IFT74: variants seen among roughly 807,000 people sequenced by gnomAD.
IFT74 encodes the protein intraflagellar transport 74.
IFT74 carries 92 observed loss-of-function variants against 96.7 expected under a neutral mutation model. The observed-to-expected ratio is 0.95, with a 90% CI of 0.80 to 1.13. IFT74 has a LOEUF of 1.13. IFT74 is among the 50% of genes most tolerant of loss of function. The pLI, the probability that IFT74 is intolerant of heterozygous loss-of-function variation, is 0.00. For missense variants in IFT74, 811 were observed against 698.2 expected (o/e 1.16, Z -1.82); for synonymous variants, 223 against 213.2 (o/e 1.05, Z -0.40).
chr9:27,055,258 T>A (rs1441295815), intron 16 of IFT74, among the ~76,000 whole-genome samples: 1 of 152,160 alleles, frequency 6.6e-6, no homozygotes, highest in African/African-American at 2.4e-5. Flanking sequence ...ACTTGGTTTT[T>A]TCCCTACATA....
At chr9:27,033,523 A>T (rs1830219629) in intron 13 of IFT74, among the ~76,000 whole-genome samples, 1 of 151,306 alleles carries the variant, frequency 6.6e-6, no homozygotes, top group African/African-American at 2.4e-5. Flanking sequence ...CACTCCAACC[A>T]AAATCATGCC....
upstream of IFT74, among the ~76,000 whole-genome samples, chr9:26,951,924 A>G (rs931672563): frequency 5.3e-5 from 8 of 152,240 alleles, no homozygotes; most frequent in Non-Finnish European, 8.8e-5. Context: ...TATGAACTTC[A>G]TCTTTAAGGA....
chr9:26,947,138 A>G, exon 1 of IFT74: 1 of 1,368,746 alleles, frequency 7.3e-7, no homozygotes, highest in Non-Finnish European at 9.5e-7. Flanking sequence ...GCGGGAGAAG[A>G]GCCTGCAGGT....
At chr9:27,044,383 ACT>A (rs1344695082) in intron 13 of IFT74, among the ~76,000 whole-genome samples, 5 of 152,044 alleles carry the variant, frequency 3.3e-5, no homozygotes, top group African/African-American at 1.2e-4. Flanking sequence ...TAGAGTATAA[ACT>A]CTGTGAGTGA....
chr9:26,970,809 A>T (rs1468127417), intron 2 of IFT74, among the ~76,000 whole-genome samples: 1 of 152,188 alleles, frequency 6.6e-6, no homozygotes. Context: ...TCATTAGGGG[A>T]TAAACTGACA....
At chr9:27,003,849 G>A (rs1828634609) in intron 8 of IFT74, among the ~76,000 whole-genome samples, 3 of 152,240 alleles carry the variant, frequency 2.0e-5, no homozygotes, top group Admixed American at 1.3e-4. Context: ...CATAGAAGAG[G>A]GATGCCTAAA....
At chr9:27,035,443 G>A (rs1041211437) in intron 13 of IFT74, among the ~76,000 whole-genome samples, 3 of 152,150 alleles carry the variant, frequency 2.0e-5, no homozygotes, top group Non-Finnish European at 4.4e-5. Flanking sequence ...CATTAAAATG[G>A]TGGTATTACA....
chr9:26,950,981 A>G (rs190913949), intron 1 of IFT74, among the ~76,000 whole-genome samples: 74 of 152,348 alleles, frequency 4.9e-4, no homozygotes, highest in Middle Eastern at 3.4e-3. Context: ...AAAGGTTTAA[A>G]ACAAATCATT....
At chr9:27,031,119 C>T (rs545373139) in intron 13 of IFT74, among the ~76,000 whole-genome samples, 10 of 151,978 alleles carry the variant, frequency 6.6e-5, no homozygotes, top group Admixed American at 5.2e-4. Flanking sequence ...CCTCAGCCTT[C>T]CAAGTAGCCG....
At chr9:26,980,544 A>T in intron 3 of IFT74, 27 bp from the exon 4 acceptor site, 1 of 1,503,828 alleles carries the variant, frequency 6.6e-7, no homozygotes, top group Non-Finnish European at 9.3e-7. Context: ...CGAACTGAAC[A>T]CTAACACTTA....
At chr9:26,980,644 C>T (rs375317034) in intron 4 of IFT74, 25 bp downstream of exon 4, 112 of 1,475,120 alleles carry the variant, frequency 7.6e-5, no homozygotes, top group Middle Eastern at 7.3e-4. Flanking sequence ...TCTTTTCATC[C>T]GTATGTTTTA....
chr9:27,052,247 C>T (rs1030055071), intron 16 of IFT74, among the ~76,000 whole-genome samples: 6 of 152,126 alleles, frequency 3.9e-5, no homozygotes, highest in East Asian at 1.9e-4. Flanking sequence ...AGGTGGCTCA[C>T]GCCTGTAATC....
Position 27,017,040 on chromosome 9 carries a change from T to C in IFT74, c.923T>C (p.Leu308Ser). The C allele has an allele frequency of 6.2e-7, 1 of 1,602,080 alleles. No individual in the cohort carries two copies. The highest frequency in any genetic ancestry group is 1.1e-5 in the South Asian group (1 of 88,142). Residue 308 changes from leucine to serine, a missense_variant, in exon 11 of 20, where the codon TTA becomes TCA. Transcript: ENST00000380062. ...TCTCCAATGGAAGAGAGAGAGAAAT[T>C]ACTTAAGCAGGTGGGCAAAACAAAC... The part of the protein sequence containing the change: ...IGSPMEEREK[L>S]LKQIKDDNQE...
upstream of IFT74, chr9:26,955,773 G>A (rs1411407416): frequency 2.0e-5 from 3 of 149,216 alleles, no homozygotes; most frequent in Admixed American, 2.0e-4. Flanking sequence ...AAGATTGGAA[G>A]GAAACATACA....
chr9:26,984,361 T>G lies in IFT74; in HGVS notation c.404+6T>G, dbSNP rs1468509845. ...TATTTGTCATATGAAAAGAGGTGAG[T>G]AATAAGTATTCAGTATTCATTCAGT... is the stretch of plus-strand genomic sequence containing the variant. On this transcript the variant is annotated splice_donor_region_variant and intron_variant, in intron 5 of 19. Coordinates refer to ENST00000380062, the MANE Select transcript of IFT74 (RefSeq NM_025103.4). 6 of 1,577,006 alleles carry G rather than the reference T, an allele frequency of 3.8e-6. No homozygotes were observed. The East Asian group carries it at 9.0e-5, about 24-fold the overall frequency.
intron 2 of IFT74, among the ~76,000 whole-genome samples, chr9:26,965,661 T>TG (rs1218010515): frequency 6.6e-6 from 1 of 152,126 alleles, no homozygotes; most frequent in Non-Finnish European, 1.5e-5. Context: ...TATGTATTCA[T>TG]GGGGTAGGTC....
At chr9:26,962,963 A>AT (rs1826433815) in intron 2 of IFT74, among the ~76,000 whole-genome samples, 1 of 129,248 alleles carries the variant, frequency 7.7e-6, no homozygotes, top group East Asian at 2.1e-4. Flanking sequence ...TTTTATTTTT[A>AT]TTTTTTTGTT....
intron 16 of IFT74, among the ~76,000 whole-genome samples, chr9:27,049,016 A>G (rs1477976764): frequency 6.6e-6 from 1 of 151,996 alleles, no homozygotes; most frequent in Non-Finnish European, 1.5e-5. Context: ...AGTAATTAGT[A>G]TGTTCTCTGT....
chr9:27,005,639 CTG>C (rs1828737560), intron 8 of IFT74: 1 of 151,362 alleles, frequency 6.6e-6, no homozygotes, highest in Non-Finnish European at 1.5e-5. Flanking sequence ...GAAATTAACT[CTG>C]TTTCAACGGC....
Sources: gnomAD v4.1 joint callset for allele counts (sites outside exome capture counted in the v4.1 genomes callset) on GRCh38, gnomAD v4.1.1 for gene constraint, MANE v1.5 for transcripts, NCBI Gene and HGNC (gene_info 2026-07-23, HGNC 2026-07-21) for gene names.